SLC22A16: variants seen among roughly 807,000 people sequenced by gnomAD.
SLC22A16 encodes solute carrier family 22 member 16, also known as WUGSC:RG331P03.1.
In SLC22A16, 53 loss-of-function variants were observed where a neutral mutation model predicts 52.9. That is an observed-to-expected ratio of 1.00 (90% CI 0.80 to 1.26). The LOEUF (loss-of-function observed/expected upper bound fraction) is 1.26. Among genes scored for constraint, SLC22A16 ranks in the 50% most tolerant of loss-of-function variants. The pLI is 0.00. For missense variants in SLC22A16, 726 were observed against 704.0 expected (o/e 1.03, Z -0.35); for synonymous variants, 291 against 268.8 (o/e 1.08, Z -0.81).
intron 1 of SLC22A16, among the ~76,000 whole-genome samples, chr6:110,460,628 T>C (rs911168462): frequency 1.3e-5 from 2 of 152,200 alleles, no homozygotes; most frequent in Non-Finnish European, 2.9e-5. Flanking sequence ...GACCAACTCA[T>C]GCAGGTGTGC....
At chr6:110,445,136 T>C (rs570147835) in intron 3 of SLC22A16, among the ~76,000 whole-genome samples, 71 of 152,258 alleles carry the variant, frequency 4.7e-4, no homozygotes, top group African/African-American at 1.6e-3. Context: ...CCATTGCCTT[T>C]AGGAGATAGA....
At chr6:110,470,369 T>C (rs1458214120) in intron 1 of SLC22A16, among the ~76,000 whole-genome samples, 2 of 152,170 alleles carry the variant, frequency 1.3e-5, no homozygotes, top group East Asian at 1.9e-4. Context: ...CATGTTTAAC[T>C]TGCCTAAAGT....
rs147338757 is a variant in SLC22A16 at position 110,456,890 on chromosome 6, C to T, written c.181G>A (p.Val61Ile). The T allele has an allele frequency of 3.2e-4, 518 of 1,614,028 alleles. No individual in the cohort carries two copies. The highest frequency in any genetic ancestry group is 3.8e-4 in the Non-Finnish European group (450 of 1,179,952). The change falls in exon 2 of 8, where the codon GTT becomes ATT. Residue 61 changes from valine (V) to isoleucine (I), a missense_variant. Physicochemically the swap from Val to Ile is conservative, Grantham distance 29. Coordinates refer to ENST00000368919, the MANE Select transcript of SLC22A16 (RefSeq NM_033125.4). ...CAATTAGAGTGATTATGGAAAACAA[C>T]CTGACTCACATTGCCTGGGGGCCTG... The part of the protein sequence containing the change: ...VCRPPGNVSQ[V>I]VFHNHSNWSL...
chr6:110,452,930 TTTCTC>T (rs1440315608), intron 2 of SLC22A16, among the ~76,000 whole-genome samples: 11 of 152,298 alleles, frequency 7.2e-5, no homozygotes, highest in African/African-American at 2.6e-4. Flanking sequence ...TTTCAGAACT[TTTCTC>T]TTTTCAGCCT....
At chr6:110,461,637 A>T (rs1267669194) in intron 1 of SLC22A16, among the ~76,000 whole-genome samples, 1 of 152,190 alleles carries the variant, frequency 6.6e-6, no homozygotes, top group Non-Finnish European at 1.5e-5. Flanking sequence ...CCTACAGAAG[A>T]TAGTGTGTCA....
At chr6:110,470,133 T>C (rs1435240194) in intron 1 of SLC22A16, among the ~76,000 whole-genome samples, 2 of 152,174 alleles carry the variant, frequency 1.3e-5, no homozygotes, top group Non-Finnish European at 2.9e-5. Context: ...TGGGCCAGCA[T>C]CTACCCGCTA....
At chr6:110,460,230 C>T (rs745700941) in intron 1 of SLC22A16, among the ~76,000 whole-genome samples, 1 of 152,158 alleles carries the variant, frequency 6.6e-6, no homozygotes, top group Admixed American at 6.6e-5. Flanking sequence ...CTCAGCAGTT[C>T]TCACACTTTT....
chr6:110,425,407 C>G (rs1377444539), intron 7 of SLC22A16: 3 of 1,321,062 alleles, frequency 2.3e-6, no homozygotes, highest in South Asian at 1.2e-5. Context: ...AAAAAAGACA[C>G]TTACCCCATC....
At chr6:110,457,057 A>T (rs761804646) in intron 1 of SLC22A16, 40 bp from the exon 2 acceptor site, 4 of 1,502,706 alleles carry the variant, frequency 2.7e-6, no homozygotes, top group Non-Finnish European at 3.5e-6. Context: ...TCTGGTCTAT[A>T]GGCTGAAAAA....
intron 7 of SLC22A16, among the ~76,000 whole-genome samples, chr6:110,426,519 G>A (rs1030808804): frequency 1.3e-5 from 2 of 151,816 alleles, no homozygotes; most frequent in African/African-American, 2.4e-5. Context: ...GAGGCCAGGC[G>A]GATCCTTTCA....
intron 1 of SLC22A16, among the ~76,000 whole-genome samples, chr6:110,459,732 A>T (rs1775797897): frequency 6.6e-6 from 1 of 152,208 alleles, no homozygotes; most frequent in African/African-American, 2.4e-5. Context: ...GGTGAGGGTC[A>T]TATGGGGACT....
At chr6:110,453,471 G>A (rs758670818) in intron 2 of SLC22A16, among the ~76,000 whole-genome samples, 4 of 152,082 alleles carry the variant, frequency 2.6e-5, no homozygotes, top group Non-Finnish European at 4.4e-5. Flanking sequence ...ACTGTTTAAG[G>A]GATGCTGGCA....
At chr6:110,452,660 C>T (rs1562291060) in intron 2 of SLC22A16, among the ~76,000 whole-genome samples, 1 of 151,924 alleles carries the variant, frequency 6.6e-6, no homozygotes, top group African/African-American at 2.4e-5. Flanking sequence ...CATAGCAAAA[C>T]CCTGTCTCTA....
At position 110,456,604 on chromosome 6, in the gene SLC22A16, A is replaced by G. The variant is rs1208586804; in HGVS notation, c.467T>C (p.Leu156Pro). 1.2e-6 allele frequency: 2 copies of G among 1,614,206 alleles called. No individual in the cohort carries two copies. Among genetic ancestry groups the G allele is most frequent in the Non-Finnish European group, 1.7e-6 (2 of 1,180,022 alleles). The change falls in exon 2 of 8, where the codon CTG (leucine) becomes CCG (proline). Residue 156 changes from leucine to proline, a missense_variant. Leu to Pro is a moderately conservative substitution (Grantham distance 98). Coordinates refer to ENST00000368919, the MANE Select transcript of SLC22A16 (RefSeq NM_033125.4). Reference protein sequence around the residue: ...LVCDRKWLAMLIQPLFMFGVL... With the variant: ...LVCDRKWLAMPIQPLFMFGVL... Reference sequence around the variant, plus strand: ...TCCAAACATAAATAGGGGCTGGATCAGCATTGCAAGCCATTTTCGGTCACA... The same window carrying G: ...TCCAAACATAAATAGGGGCTGGATCGGCATTGCAAGCCATTTTCGGTCACA...
chr6:110,472,219 C>T (rs1776283482), intron 1 of SLC22A16, among the ~76,000 whole-genome samples: 1 of 152,152 alleles, frequency 6.6e-6, no homozygotes, highest in Admixed American at 6.5e-5. Flanking sequence ...CATGTGGTCC[C>T]ATTCACTTCT....
At chr6:110,428,789 G>A (rs993440393) in intron 7 of SLC22A16, among the ~76,000 whole-genome samples, 8 of 152,212 alleles carry the variant, frequency 5.3e-5, no homozygotes, top group African/African-American at 1.2e-4. Flanking sequence ...CCTTGGTGGC[G>A]CACGCCTGTA....
intron 6 of SLC22A16, among the ~76,000 whole-genome samples, chr6:110,432,421 G>C (rs899502588): frequency 3.9e-5 from 6 of 152,180 alleles, no homozygotes; most frequent in Non-Finnish European, 7.3e-5. Flanking sequence ...TGATGGGATT[G>C]TCACCTTCTT....
intron 1 of SLC22A16, among the ~76,000 whole-genome samples, chr6:110,459,001 GTA>G (rs1332561404): frequency 6.6e-6 from 1 of 151,924 alleles, no homozygotes; most frequent in Non-Finnish European, 1.5e-5. Flanking sequence ...GTGTGTGTGT[GTA>G]TGTGTGTGTG....
intron 5 of SLC22A16, among the ~76,000 whole-genome samples, chr6:110,438,416 C>T (rs979836602): frequency 6.6e-5 from 10 of 152,070 alleles, no homozygotes; most frequent in East Asian, 3.9e-4. Context: ...GCCTCGAACT[C>T]CTGAACTCAA....
Sources: gnomAD v4.1 joint callset for allele counts (sites outside exome capture counted in the v4.1 genomes callset) on GRCh38, gnomAD v4.1.1 for gene constraint, MANE v1.5 for transcripts, NCBI Gene and HGNC (gene_info 2026-07-23, HGNC 2026-07-21) for gene names.